Variants in GABBR2 observed in about 807,000 individuals in gnomAD.
GABBR2 encodes G-protein coupled receptor 51.
GABBR2 carries 23 observed loss-of-function variants against 105.6 expected under a neutral mutation model. The observed-to-expected ratio is 0.22, with a 90% confidence interval of 0.16 to 0.31. GABBR2 has a LOEUF of 0.31. Ranked by LOEUF, GABBR2 falls within the 10% of genes least tolerant of loss-of-function variation. The pLI, the probability that GABBR2 is intolerant of heterozygous loss-of-function variation, is 1.00. For synonymous variants in GABBR2, 478 were observed against 499.7 expected (o/e 0.96, Z 0.58); for missense variants, 734 against 1,245.5 (o/e 0.59, Z 6.18).
At chr9:98,665,621 C>A (rs186068302) in intron 1 of GABBR2, among the ~76,000 whole-genome samples, 1 of 152,202 alleles carries the variant, frequency 6.6e-6, no homozygotes, top group Admixed American at 6.5e-5. Flanking sequence ...AGGACAATCA[C>A]AACACAGACC....
At chr9:98,408,168 G>C (rs1230025979) in intron 7 of GABBR2, among the ~76,000 whole-genome samples, 2 of 152,192 alleles carry the variant, frequency 1.3e-5, no homozygotes, top group Non-Finnish European at 2.9e-5. Context: ...CCCTTGGGAA[G>C]CGAGTTTCAA....
intron 7 of GABBR2, among the ~76,000 whole-genome samples, chr9:98,422,743 C>G (rs1442982006): frequency 6.6e-5 from 10 of 150,774 alleles, no homozygotes; most frequent in Admixed American, 6.6e-4. Context: ...GTATATCTCC[C>G]AATGCTATCC....
At chr9:98,506,308 G>A (rs1023207990) in intron 3 of GABBR2, among the ~76,000 whole-genome samples, 1 of 152,214 alleles carries the variant, frequency 6.6e-6, no homozygotes, top group African/African-American at 2.4e-5. Context: ...CTCCAGGAGG[G>A]AAGCACTTGG....
chr9:98,576,566 C>T (rs1828910541), intron 2 of GABBR2, among the ~76,000 whole-genome samples: 1 of 152,168 alleles, frequency 6.6e-6, no homozygotes, highest in Non-Finnish European at 1.5e-5. Context: ...CCTGGCCCTA[C>T]TACTTACTAG....
At chr9:98,593,340 G>A (rs1200261988) in intron 1 of GABBR2, among the ~76,000 whole-genome samples, 6 of 152,164 alleles carry the variant, frequency 3.9e-5, no homozygotes, top group African/African-American at 9.7e-5. Context: ...CAGGGACGAC[G>A]ACCCTGGCAG....
Position 98,454,908 on chromosome 9 carries a change from T to C in GABBR2, c.1000-691A>G, listed in dbSNP as rs1427622670. The stretch of plus-strand genomic sequence containing the variant: ...CTGGGGCAAGAGGCTCCCTAGACCC[T>C]GGAAGTGGCTCCAGCTTATGGGTTG... On this transcript the variant is annotated intron_variant, in intron 6 of 18. Coordinates refer to ENST00000259455, the MANE Select transcript of GABBR2 (RefSeq NM_005458.8). The surrounding 1 kb of genome is among the most constrained non-coding windows in gnomAD (Gnocchi z 4.6). Among the ~76,000 whole-genome samples, 1 of 152,114 alleles carries C rather than the reference T, an allele frequency of 6.6e-6. No homozygotes were observed. Among genetic ancestry groups the C allele is most frequent in the African/African-American group, 2.4e-5 (1 of 41,434 alleles).
At chr9:98,595,813 AG>A (rs1297679624) in intron 1 of GABBR2, among the ~76,000 whole-genome samples, 14 of 152,238 alleles carry the variant, frequency 9.2e-5, no homozygotes, top group African/African-American at 2.9e-4. Flanking sequence ...GCGTGAGAGA[AG>A]GAGGTTGCCC....
intron 7 of GABBR2, among the ~76,000 whole-genome samples, chr9:98,440,980 T>G (rs1394531037): frequency 3.3e-5 from 5 of 152,242 alleles, no homozygotes; most frequent in African/African-American, 1.2e-4. Flanking sequence ...ATCTTCAGAT[T>G]CGTTTTTCAT....
chr9:98,546,478 C>G (rs1828404295), intron 2 of GABBR2, among the ~76,000 whole-genome samples: 1 of 152,160 alleles, frequency 6.6e-6, no homozygotes, highest in Admixed American at 6.5e-5. Context: ...ATAACAGGCA[C>G]TTAATAGATA....
chr9:98,333,726 G>A (rs987991773), intron 13 of GABBR2, among the ~76,000 whole-genome samples: 6 of 152,142 alleles, frequency 3.9e-5, no homozygotes, highest in African/African-American at 7.2e-5. Context: ...TGCATATATC[G>A]TTTAGGGGGA....
intron 1 of GABBR2, among the ~76,000 whole-genome samples, chr9:98,629,508 T>C (rs562992406): frequency 2.6e-4 from 40 of 152,314 alleles, no homozygotes; most frequent in Admixed American, 5.2e-4. Flanking sequence ...TCCAATAGCT[T>C]CAACATTCTC....
At chr9:98,625,217 G>T (rs1408893308) in intron 1 of GABBR2, among the ~76,000 whole-genome samples, 1 of 152,196 alleles carries the variant, frequency 6.6e-6, no homozygotes, top group Non-Finnish European at 1.5e-5. Context: ...GCACGCTTGT[G>T]CTCCCTCCAG....
At position 98,708,759 on chromosome 9, in the gene GABBR2, G is replaced by A; in HGVS notation, c.-22C>T. On this transcript the variant is annotated 5_prime_UTR_variant, in exon 1 of 19. Coordinates refer to ENST00000259455, the MANE Select transcript of GABBR2 (RefSeq NM_005458.8). Reference sequence around the variant, plus strand: ...CCATGCCGCGCCGCGGGCTGCGGGCGCCGGCTCACTCGGCCCGCATGGCCT... The same window carrying A: ...CCATGCCGCGCCGCGGGCTGCGGGCACCGGCTCACTCGGCCCGCATGGCCT... 4.1e-6 allele frequency: 4 copies of A among 979,910 alleles called. No individual in the cohort carries two copies. Among genetic ancestry groups the A allele is most frequent in the Non-Finnish European group, 4.8e-6 (4 of 827,256 alleles). The allele number at this position is 979,910 out of a possible 1,614,324, so 60.7% of individuals were successfully genotyped here. A position where few individuals can be genotyped will look rare whatever the true frequency, so the allele number is the denominator to read the frequency against.
chr9:98,313,914 C>A (rs940693576), intron 13 of GABBR2, among the ~76,000 whole-genome samples: 1 of 152,108 alleles, frequency 6.6e-6, no homozygotes, highest in Non-Finnish European at 1.5e-5. Flanking sequence ...GGTGCTCCCA[C>A]GTGAAAGCAG....
At chr9:98,616,864 G>A (rs973854270) in intron 1 of GABBR2, among the ~76,000 whole-genome samples, 3 of 152,194 alleles carry the variant, frequency 2.0e-5, no homozygotes, top group African/African-American at 7.2e-5. Context: ...GATAAGTGAG[G>A]TATTGATGTA....
intron 7 of GABBR2, among the ~76,000 whole-genome samples, chr9:98,423,389 T>C (rs1832818938): frequency 6.6e-6 from 1 of 152,286 alleles, no homozygotes; most frequent in South Asian, 2.1e-4. Flanking sequence ...CATGTGTCTT[T>C]GGCTGCATAA....
At chr9:98,545,880 C>A (rs1427511192) in intron 2 of GABBR2, among the ~76,000 whole-genome samples, 3 of 152,196 alleles carry the variant, frequency 2.0e-5, no homozygotes. Context: ...TCTGGCATCA[C>A]CAGGGCTGTT....
intron 1 of GABBR2, among the ~76,000 whole-genome samples, chr9:98,602,442 A>C (rs1476932794): frequency 7.1e-6 from 1 of 141,530 alleles, no homozygotes; most frequent in Non-Finnish European, 1.5e-5. Context: ...ACTGGGTGAC[A>C]GAGCTAGACT....
chr9:98,463,620 G>A (rs28408119), intron 6 of GABBR2, among the ~76,000 whole-genome samples: 16 of 147,716 alleles, frequency 1.1e-4, no homozygotes, highest in African/African-American at 3.7e-4. Flanking sequence ...TCTCGCTCTC[G>A]CTCTCCGTCT....
Sources: gnomAD v4.1 joint callset for allele counts (sites outside exome capture counted in the v4.1 genomes callset) on GRCh38, gnomAD v4.1.1 for gene constraint, Gnocchi (gnomAD v3.1) non-coding constraint, MANE v1.5 for transcripts, NCBI Gene and HGNC (gene_info 2026-07-23, HGNC 2026-07-21) for gene names.